The following BNC2 variants were observed in gnomAD, a reference collection of about 807,000 sequenced individuals.
BNC2 encodes the protein basonuclin zinc finger protein 2.
Under a neutral mutation model 76.3 loss-of-function variants are expected in BNC2, and 20 were observed. The ratio of observed to expected loss-of-function variants is 0.26; its 90% CI spans 0.18 to 0.38. The LOEUF is 0.38. Ranked by LOEUF, BNC2 falls within the 10% of genes least tolerant of loss-of-function variation. The probability of loss-of-function intolerance (pLI) is 1.00; values close to 1 mark genes in which losing one functional copy is unlikely to be tolerated. For synonymous variants in BNC2, 582 were observed against 514.8 expected (o/e 1.13, Z -1.77); for missense variants, 1,382 against 1,399.8 (o/e 0.99, Z 0.20).
intron 3 of BNC2, among the ~76,000 whole-genome samples, chr9:16,686,758 A>G (rs551924429): frequency 1.4e-4 from 21 of 152,366 alleles, no homozygotes; most frequent in Admixed American, 5.2e-4. Context: ...AACAACGTTC[A>G]GTATACTCCA....
chr9:16,722,233 A>G (rs1012084370), intron 3 of BNC2, among the ~76,000 whole-genome samples: 7 of 152,136 alleles, frequency 4.6e-5, no homozygotes, highest in African/African-American at 1.2e-4. Context: ...AGTCCTTGCA[A>G]TCCTGCCTTG....
At chr9:16,741,872 C>A (rs1013209691) in intron 1 of BNC2, among the ~76,000 whole-genome samples, 1 of 145,608 alleles carries the variant, frequency 6.9e-6, no homozygotes, top group African/African-American at 2.6e-5. Context: ...GCACGAGAAT[C>A]GCTTGAACTC....
chr9:16,637,885 A>T (rs1563875037), intron 3 of BNC2, among the ~76,000 whole-genome samples: 1 of 152,268 alleles, frequency 6.6e-6, no homozygotes, highest in Non-Finnish European at 1.5e-5. Context: ...ATTGTGGTGT[A>T]ATATACATAC....
intron 3 of BNC2, among the ~76,000 whole-genome samples, chr9:16,676,844 A>G (rs1249225311): frequency 6.6e-6 from 1 of 152,236 alleles, no homozygotes; most frequent in African/African-American, 2.4e-5. Flanking sequence ...GTAAATATTC[A>G]CTAACACACT....
chr9:16,427,071 G>A (rs1431674554), intron 6 of BNC2, among the ~76,000 whole-genome samples: 1 of 152,210 alleles, frequency 6.6e-6, no homozygotes, highest in Non-Finnish European at 1.5e-5. Context: ...TATCTCATTT[G>A]AAACATCTCA....
chr9:16,696,725 CA>C (rs1823349856), intron 3 of BNC2, among the ~76,000 whole-genome samples: 1 of 152,162 alleles, frequency 6.6e-6, no homozygotes, highest in African/African-American at 2.4e-5. Context: ...ACCAGTGACA[CA>C]ATGTTACAAA....
intron 5 of BNC2, among the ~76,000 whole-genome samples, chr9:16,504,601 T>C (rs1822587123): frequency 6.6e-6 from 1 of 152,186 alleles, no homozygotes; most frequent in Non-Finnish European, 1.5e-5. Context: ...AATTCCATTA[T>C]CTCTAGATCT....
intron 5 of BNC2, chr9:16,476,354 G>A (rs1361243503): frequency 6.6e-6 from 1 of 152,168 alleles, no homozygotes; most frequent in Non-Finnish European, 1.5e-5. Flanking sequence ...AGTTTCTCCT[G>A]TACACACCTG....
At chr9:16,703,768 T>A (rs578119258) in intron 3 of BNC2, among the ~76,000 whole-genome samples, 1 of 152,182 alleles carries the variant, frequency 6.6e-6, no homozygotes, top group African/African-American at 2.4e-5. Flanking sequence ...ATAGTTTACT[T>A]TTCTGTGCTA....
chr9:16,703,380 A>G (rs1409339959), intron 3 of BNC2, among the ~76,000 whole-genome samples: 3 of 152,164 alleles, frequency 2.0e-5, no homozygotes, highest in East Asian at 1.9e-4. Context: ...CTCCGGAAAA[A>G]TCACATTTTA....
rs1820996439 is a variant in BNC2, at chr9:16,435,782, C to T, written c.2412G>A (p.Leu804=). Residue 804 remains leucine (L), a synonymous_variant, in exon 6 of 7, where the codon TTG becomes TTA. Transcript: ENST00000380672. ...YNGGGASMAA[L]HESFTSSLNY... ...TCAGAGACGATGTAAAGCTCTCATG[C>T]AAGGCGGCCATGCTGGCACCCCCAC... The T allele has an allele frequency of 6.2e-7, 1 of 1,614,002 alleles. No individual in the cohort carries two copies. Among genetic ancestry groups the T allele is most frequent in the African/African-American group, 1.3e-5 (1 of 74,902 alleles).
chr9:16,817,271 A>C (rs1818209071), intron 1 of BNC2, among the ~76,000 whole-genome samples: 1 of 152,156 alleles, frequency 6.6e-6, no homozygotes, highest in Non-Finnish European at 1.5e-5. Context: ...CTGAACCATT[A>C]ATGTTCTCCT....
intron 3 of BNC2, among the ~76,000 whole-genome samples, chr9:16,690,069 G>C (rs574764446): frequency 6.6e-6 from 1 of 152,298 alleles, no homozygotes; most frequent in South Asian, 2.1e-4. Flanking sequence ...ATTTAACTAG[G>C]AGACAAAATT....
At chr9:16,424,388 C>T (rs1820765406) in intron 6 of BNC2, among the ~76,000 whole-genome samples, 2 of 151,974 alleles carry the variant, frequency 1.3e-5, no homozygotes, top group East Asian at 3.9e-4. Flanking sequence ...AGATTTGAGA[C>T]ATTCTGAACT....
At chr9:16,719,016 A>G (rs1824069779) in intron 3 of BNC2, among the ~76,000 whole-genome samples, 1 of 152,196 alleles carries the variant, frequency 6.6e-6, no homozygotes, top group Admixed American at 6.5e-5. Flanking sequence ...TGGTACTCTA[A>G]TATTTATACC....
chr9:16,580,735 C>A (rs544060513), intron 4 of BNC2, among the ~76,000 whole-genome samples: 1 of 152,168 alleles, frequency 6.6e-6, no homozygotes, highest in Non-Finnish European at 1.5e-5. Flanking sequence ...AAAATGAGAG[C>A]GAATAAATGA....
At chr9:16,851,256 C>T (rs1417436692) in intron 1 of BNC2, among the ~76,000 whole-genome samples, 2 of 152,046 alleles carry the variant, frequency 1.3e-5, no homozygotes, top group Non-Finnish European at 2.9e-5. Flanking sequence ...GCCTATAATC[C>T]CAGCACTTTG....
Position 16,471,493 on chromosome 9 carries a change from T to C in BNC2, c.670-33969A>G, listed in dbSNP as rs1587068085. 2.0e-5 allele frequency among the ~76,000 whole-genome samples: 3 copies of C among 152,090 alleles called. 1 individual carries two copies. The highest frequency in any genetic ancestry group is 1.9e-4 in the East Asian group (1 of 5,148). On this transcript the variant is annotated intron_variant, in intron 5 of 6. Transcript: ENST00000380672. ...AGTTTTAGTAGAGACAGGGTTTCAC[T>C]ATGTTGGCCAGGCTGGTCTCAAACT...
chr9:16,554,354 G>C (rs529725735), intron 4 of BNC2, among the ~76,000 whole-genome samples: 17 of 152,122 alleles, frequency 1.1e-4, no homozygotes, highest in African/African-American at 3.6e-4. Context: ...ATGTACTCTT[G>C]ATAAATTGCT....
Sources: allele counts gnomAD v4.1 joint callset (sites outside exome capture counted in the v4.1 genomes callset), GRCh38; gene constraint gnomAD v4.1.1; transcripts MANE v1.5; gene names NCBI Gene and HGNC (gene_info 2026-07-23, HGNC 2026-07-21).